The following SPAG16 variants were observed in gnomAD, a reference collection of about 807,000 sequenced individuals.
The protein encoded by SPAG16 is sperm-associated antigen 16 protein.
In SPAG16, 86 loss-of-function variants were observed where a neutral mutation model predicts 80.4. The observed-to-expected ratio is 1.07, with a 90% CI of 0.90 to 1.28. The LOEUF is 1.28. Ranked by LOEUF, SPAG16 falls within the 50% of genes most tolerant of loss-of-function variation. SPAG16 has a pLI of 0.00. For synonymous variants in SPAG16, 294 were observed against 265.9 expected (o/e 1.11, Z -1.03); for missense variants, 870 against 765.3 (o/e 1.14, Z -1.61).
chr2:214,352,558 C>CTCTGTGTGTGTGTGTGTGTGTG (rs796885924), intron 15 of SPAG16, among the ~76,000 whole-genome samples: 3 of 142,464 alleles, frequency 2.1e-5, no homozygotes, highest in Admixed American at 6.9e-5. Context: ...CTTTTTTTCT[C>CTCTGTGTGTGTGTGTGTGTGTG]TGTGTGTGTG....
At chr2:214,400,307 G>A (rs1701635986) in intron 15 of SPAG16, among the ~76,000 whole-genome samples, 1 of 151,804 alleles carries the variant, frequency 6.6e-6, no homozygotes, top group South Asian at 2.1e-4. Context: ...GTTAAAGACA[G>A]AAAAAGATGA....
rs771069836 is a variant in SPAG16, at chr2:214,410,210, C to T, written c.1791C>T (p.His597=). The change falls in exon 16 of 16, where the codon CAC becomes CAT. Residue 597 remains histidine (H), a synonymous_variant. Transcript: ENST00000331683. The stretch of plus-strand genomic sequence containing the variant: ...TAGATCTTAAATCTGGGGAGATTCA[C>T]AAATTGATGGGCCACGAAAACGAGG... ...HLLDLKSGEI[H]KLMGHENEAH... is the part of the protein sequence containing the mutation. 3 of 1,613,590 alleles carry T rather than the reference C, an allele frequency of 1.9e-6. No homozygotes were observed. The African/African-American group carries it at 4.0e-5, about 22-fold the overall frequency.
chr2:214,332,471 T>C (rs768015235), intron 15 of SPAG16, among the ~76,000 whole-genome samples: 2 of 152,220 alleles, frequency 1.3e-5, no homozygotes, highest in Non-Finnish European at 2.9e-5. Context: ...TATTGACTTG[T>C]TGGTACCTCT....
At chr2:213,578,249 G>T (rs1478628429) in intron 10 of SPAG16, among the ~76,000 whole-genome samples, 1 of 152,036 alleles carries the variant, frequency 6.6e-6, no homozygotes, top group Admixed American at 6.6e-5. Flanking sequence ...CAAAGATCTT[G>T]ATATAATTTC....
At chr2:214,006,501 AGAG>A (rs1047436678) in intron 12 of SPAG16, among the ~76,000 whole-genome samples, 1 of 152,216 alleles carries the variant, frequency 6.6e-6, no homozygotes, top group Non-Finnish European at 1.5e-5. Flanking sequence ...AAGAGAAAAG[AGAG>A]GAGATGAAAG....
chr2:213,424,463 AG>A (rs2069784850), intron 9 of SPAG16, among the ~76,000 whole-genome samples: 1 of 152,212 alleles, frequency 6.6e-6, no homozygotes. Flanking sequence ...AGTCATATTA[AG>A]ATATATTATT....
intron 15 of SPAG16, among the ~76,000 whole-genome samples, chr2:214,362,780 T>C (rs1699261828): frequency 6.6e-6 from 1 of 151,958 alleles, no homozygotes; most frequent in African/African-American, 2.4e-5. Context: ...ATTAAGCATC[T>C]TATAATTTTA....
chr2:213,651,448 A>C (rs2125147656), intron 10 of SPAG16, among the ~76,000 whole-genome samples: 1 of 152,304 alleles, frequency 6.6e-6, no homozygotes, highest in Non-Finnish European at 1.5e-5. Context: ...CCTTTTTGGC[A>C]GTAAGCAGAA....
intron 15 of SPAG16, among the ~76,000 whole-genome samples, chr2:214,271,070 A>T (rs1369730682): frequency 2.0e-5 from 3 of 152,212 alleles, no homozygotes; most frequent in Non-Finnish European, 4.4e-5. Context: ...TGAGATCTTA[A>T]TTTAAGCAGT....
intron 8 of SPAG16, among the ~76,000 whole-genome samples, chr2:213,373,237 A>G (rs1487966202): frequency 1.3e-5 from 2 of 152,208 alleles, no homozygotes; most frequent in Non-Finnish European, 2.9e-5. Flanking sequence ...TGCATTTAAC[A>G]CTGAATGTGA....
At chr2:214,119,101 A>C (rs995707738) in intron 14 of SPAG16, among the ~76,000 whole-genome samples, 1 of 152,196 alleles carries the variant, frequency 6.6e-6, no homozygotes, top group African/African-American at 2.4e-5. Flanking sequence ...ATGTAGTTAC[A>C]TGTCAATGAA....
chr2:213,778,976 C>T (rs1279470893), intron 10 of SPAG16, among the ~76,000 whole-genome samples: 2 of 152,124 alleles, frequency 1.3e-5, no homozygotes, highest in Non-Finnish European at 2.9e-5. Context: ...TCATTTTATT[C>T]TCATCCCATC....
intron 10 of SPAG16, among the ~76,000 whole-genome samples, chr2:213,607,468 C>T (rs1425354339): frequency 6.6e-6 from 1 of 152,210 alleles, no homozygotes; most frequent in African/African-American, 2.4e-5. Flanking sequence ...TAAGTCCATT[C>T]ACTCACAGCA....
At chr2:214,329,835 A>C (rs1418332495) in intron 15 of SPAG16, among the ~76,000 whole-genome samples, 1 of 152,202 alleles carries the variant, frequency 6.6e-6, no homozygotes, top group Admixed American at 6.5e-5. Context: ...ACTATAAAAA[A>C]ATGCTTTTAG....
chr2:214,112,560 A>G (rs2053720840), intron 14 of SPAG16, among the ~76,000 whole-genome samples: 1 of 150,260 alleles, frequency 6.7e-6, no homozygotes, highest in Non-Finnish European at 1.5e-5. Flanking sequence ...CTTTACCGTT[A>G]TGTAATGGCT....
At chr2:213,527,150 T>C (rs1366759581) in intron 10 of SPAG16, among the ~76,000 whole-genome samples, 4 of 152,086 alleles carry the variant, frequency 2.6e-5, no homozygotes, top group Non-Finnish European at 4.4e-5. Flanking sequence ...GGATGTGTAG[T>C]TTAGGGAAGG....
At chr2:213,993,361 G>A (rs2046370643) in intron 12 of SPAG16, among the ~76,000 whole-genome samples, 3 of 152,158 alleles carry the variant, frequency 2.0e-5, no homozygotes, top group Non-Finnish European at 2.9e-5. Flanking sequence ...TGAATGTAAT[G>A]GCAGAAGTCA....
At chr2:214,226,375 G>T (rs963731431) in intron 15 of SPAG16, among the ~76,000 whole-genome samples, 2 of 152,036 alleles carry the variant, frequency 1.3e-5, no homozygotes, top group Non-Finnish European at 2.9e-5. Flanking sequence ...AAGTCACCTG[G>T]CCAAGCGCAC....
At chr2:213,876,068 C>T (rs1034484071) in intron 11 of SPAG16, among the ~76,000 whole-genome samples, 1 of 151,896 alleles carries the variant, frequency 6.6e-6, no homozygotes, top group African/African-American at 2.4e-5. Context: ...TAAGAAAATA[C>T]CAGTTTCCCC....
Sources: gnomAD v4.1 joint callset for allele counts (sites outside exome capture counted in the v4.1 genomes callset) on GRCh38, gnomAD v4.1.1 for gene constraint, MANE v1.5 for transcripts, NCBI Gene and HGNC (gene_info 2026-07-23, HGNC 2026-07-21) for gene names.